ACSM5: variants seen among roughly 807,000 people sequenced by gnomAD.
ACSM5 encodes the protein acyl-coenzyme A synthetase ACSM5, mitochondrial.
A neutral mutation model predicts 71.6 loss-of-function variants in ACSM5; 56 were observed. That is an observed-to-expected ratio of 0.78 (90% CI 0.63 to 0.98). The LOEUF (loss-of-function observed/expected upper bound fraction) is 0.98, where lower values mean the gene tolerates loss of function less well. Ranked by LOEUF, ACSM5 falls within the 50% of genes least tolerant of loss-of-function variation. The pLI, the probability that ACSM5 is intolerant of heterozygous loss-of-function variation, is 0.00. For missense variants in ACSM5, 723 were observed against 726.0 expected, an observed-to-expected ratio of 1.00 and a Z score of 0.05; for synonymous variants, 285 against 281.5, an observed-to-expected ratio of 1.01 and a Z score of -0.12.
intron 6 of ACSM5, among the ~76,000 whole-genome samples, chr16:20,426,472 G>A (rs371285848): frequency 2.2e-4 from 34 of 152,274 alleles, no homozygotes; most frequent in Middle Eastern, 6.8e-3. Context: ...GTTCATAGCA[G>A]CATTAACAAT....
intron 10 of ACSM5, among the ~76,000 whole-genome samples, chr16:20,434,540 A>T (rs1380468660): frequency 6.6e-6 from 1 of 152,140 alleles, no homozygotes. Context: ...CTAAAAATAC[A>T]AAAATTAGCT....
intron 6 of ACSM5, among the ~76,000 whole-genome samples, chr16:20,424,950 G>T (rs1198131844): frequency 6.6e-6 from 1 of 152,240 alleles, no homozygotes; most frequent in Admixed American, 6.5e-5. Context: ...ACATCATAGA[G>T]AATGGGGTAT....
At chr16:20,427,761 C>A (rs745860630) in intron 6 of ACSM5, 27 bp from the exon 7 acceptor site, 147 of 1,506,948 alleles carry the variant, frequency 9.8e-5, no homozygotes, top group Middle Eastern at 8.5e-4. Context: ...ATTCTAAGGA[C>A]ATCTTTCACC....
chr16:20,413,618 G>A (rs938835634), intron 2 of ACSM5, among the ~76,000 whole-genome samples: 5 of 152,222 alleles, frequency 3.3e-5, no homozygotes, highest in Non-Finnish European at 7.3e-5. Context: ...AGAATCCAAT[G>A]TCTATGGGAG....
At position 20,431,113 on chromosome 16, in the gene ACSM5, A is replaced by G. The variant is rs1967088626; in HGVS notation, c.1206+40A>G. ...CAACTTCTGGCAAGGCCTGGCATGG[A>G]GAGGAGAAAGACACACAGGCCTGGT... On this transcript the variant is annotated intron_variant, in intron 9 of 13. Coordinates refer to ENST00000331849, the MANE Select transcript of ACSM5 (RefSeq NM_017888.3). 3 of 1,605,142 alleles carry G rather than the reference A, an allele frequency of 1.9e-6. No homozygotes were observed. In the African/African-American group the frequency reaches 4.0e-5, roughly 21 times the overall value.
At chr16:20,423,321 G>C (rs1172237257) in intron 5 of ACSM5, among the ~76,000 whole-genome samples, 1 of 152,186 alleles carries the variant, frequency 6.6e-6, no homozygotes, top group Non-Finnish European at 1.5e-5. Flanking sequence ...TTCCATGTTT[G>C]CAGACACTGT....
intron 8 of ACSM5, among the ~76,000 whole-genome samples, chr16:20,430,342 T>C (rs989322469): frequency 6.6e-6 from 1 of 151,470 alleles, no homozygotes; most frequent in African/African-American, 2.4e-5. Context: ...ACCAAGACAG[T>C]CTACATCTGC....
In ACSM5 at chr16:20,439,821, C is replaced by G. The variant is rs778890369; in HGVS notation, c.1558C>G (p.Leu520Val). 2.5e-6 allele frequency: 4 copies of G among 1,603,650 alleles called. No homozygotes were observed. The African/African-American group carries it at 4.0e-5, about 16-fold the overall frequency. ...GCAGGTGGTAAAGGCATTTATAGTC[C>G]TTACTCCAGCCTACTCCTCTCATGA... Reference protein sequence around the residue: ...RGEVVKAFIVLTPAYSSHDPE... With the variant: ...RGEVVKAFIVVTPAYSSHDPE... The change falls in exon 13 of 14, where the codon CTT becomes GTT. Residue 520 changes from leucine to valine, a missense_variant. Transcript: ENST00000331849.
rs1490963166 is a variant in ACSM5, at chr16:20,417,950, T to G, written c.205-109T>G. 3.6e-6 allele frequency: 4 copies of G among 1,117,560 alleles called. No homozygotes were observed. The Admixed American group carries it at 1.1e-4, about 30-fold the overall frequency. 69.2% of individuals were successfully genotyped at this position (1,117,560 alleles called of 1,614,324 possible). ...TGTCTTTCCATATTGCTTTGCTTTT[T>G]GAACCCTGTGAATTTTATATTAACT... On this transcript the variant is annotated intron_variant, in intron 2 of 13. Transcript: ENST00000331849.
intron 7 of ACSM5, among the ~76,000 whole-genome samples, 159 bp downstream of exon 7, chr16:20,428,026 A>G (rs555721530): frequency 7.2e-5 from 11 of 152,244 alleles, no homozygotes; most frequent in African/African-American, 2.6e-4. Context: ...TCTCACACAC[A>G]CATTTATACA....
At position 20,421,268 on chromosome 16, in the gene ACSM5, A is replaced by G. The variant is rs1966877748; in HGVS notation, c.634A>G (p.Thr212Ala). The change falls in exon 5 of 14, where the codon ACA becomes GCA. Residue 212 changes from threonine to alanine, a missense_variant. Physicochemically the swap from Thr to Ala is moderately conservative, Grantham distance 58. Transcript: ENST00000331849. ...ATTTACGTTTTACAGGGAGGCTTCT[A>G]CAGAGCACAACTGCATGAGGACAAA... ...NFRELLREAS[T>A]EHNCMRTKSR... 1 of 1,591,032 alleles carries G rather than the reference A, an allele frequency of 6.3e-7. No individual in the cohort carries two copies. The highest frequency in any genetic ancestry group is 1.3e-5 in the African/African-American group (1 of 74,348).
rs115929193 is a variant in ACSM5, at chr16:20,439,667, G to A, written c.1537-133G>A. The A allele has an allele frequency of 3.7e-3, 4,087 of 1,104,400 alleles. 108 individuals are homozygous for A. In the African/African-American group the frequency reaches 0.056, roughly 15 times the overall value. The allele number at this position is 1,104,400 out of a possible 1,614,324, so 68.4% of individuals were successfully genotyped here. ...AAAATTGATGTTGTTTGTGTCATTG[G>A]CTGTGCCCAAAAAAAACTAGTAGAA... is the stretch of plus-strand genomic sequence containing the variant. On this transcript the variant is annotated intron_variant, in intron 12 of 13. Transcript: ENST00000331849.
chr16:20,411,549 C>A lies in ACSM5; in HGVS notation c.65C>A (p.Ser22Tyr). Residue 22 changes from serine to tyrosine, a missense_variant, in exon 2 of 14, where the codon TCT (serine) becomes TAT (tyrosine). Coordinates refer to ENST00000331849, the MANE Select transcript of ACSM5 (RefSeq NM_017888.3). ...AGGAACTCCAGGGCATTCTGTGGGT[C>A]TCATGGGAAGCCAGCACCTCTACCT... ...ALRNSRAFCG[S>Y]HGKPAPLPVP... is the part of the protein sequence containing the mutation. 6.2e-7 allele frequency: 1 copy of A among 1,614,180 alleles called. No individual in the cohort carries two copies. The highest frequency in any genetic ancestry group is 2.2e-5 in the East Asian group (1 of 44,880).
At chr16:20,439,307 A>G (rs948193434) in intron 12 of ACSM5, among the ~76,000 whole-genome samples, 2 of 125,340 alleles carry the variant, frequency 1.6e-5, no homozygotes, top group Non-Finnish European at 1.6e-5. Flanking sequence ...TCTGGAACAG[A>G]AGTGGTGCAG....
intron 2 of ACSM5, among the ~76,000 whole-genome samples, chr16:20,414,177 C>T (rs1186987782): frequency 6.6e-6 from 1 of 152,172 alleles, no homozygotes; most frequent in East Asian, 1.9e-4. Flanking sequence ...CAAAATAATG[C>T]ACCCCTTCCC....
In ACSM5 at chr16:20,424,108, T is replaced by C. The variant is rs1262488930; in HGVS notation, c.921+39T>C. On this transcript the variant is annotated intron_variant, in intron 6 of 13. Transcript: ENST00000331849. Reference sequence around the variant, plus strand: ...CCAACAATACCCCATATGTGTTGGGTACAAATGAGATGAGTGGGATATAGA... The same window carrying C: ...CCAACAATACCCCATATGTGTTGGGCACAAATGAGATGAGTGGGATATAGA... The C allele has an allele frequency of 2.5e-6, 4 of 1,608,408 alleles. No homozygotes were observed. In the Admixed American group the frequency reaches 5.0e-5, roughly 20 times the overall value.
In ACSM5 at chr16:20,431,838, C is replaced by A. The variant is rs1967105337; in HGVS notation, c.1308+517C>A. On this transcript the variant is annotated intron_variant, in intron 10 of 13. Transcript: ENST00000331849. The stretch of plus-strand genomic sequence containing the variant: ...TGGTGGCGCACGCCTCTATTCCCAG[C>A]TACTTGGGAGGCTGAGACAGGAGAA... Among the ~76,000 whole-genome samples the A allele has an allele frequency of 3.9e-5, 6 of 152,130 alleles. No individual in the cohort carries two copies. The East Asian group carries it at 9.7e-4, about 25-fold the overall frequency.
chr16:20,418,996 G>A (rs200280190), intron 3 of ACSM5, among the ~76,000 whole-genome samples: 1 of 152,148 alleles, frequency 6.6e-6, no homozygotes, highest in East Asian at 1.9e-4. Flanking sequence ...CAGAGAAACA[G>A]AGGAGGAAAG....
chr16:20,428,509 A>G (rs1967032739), intron 7 of ACSM5, among the ~76,000 whole-genome samples: 1 of 152,190 alleles, frequency 6.6e-6, no homozygotes, highest in South Asian at 2.1e-4. Flanking sequence ...AGAGAGGCCC[A>G]CTGTCCTTCA....
Sources: allele counts gnomAD v4.1 joint callset (sites outside exome capture counted in the v4.1 genomes callset), GRCh38; gene constraint gnomAD v4.1.1; transcripts MANE v1.5; gene names NCBI Gene and HGNC (gene_info 2026-07-23, HGNC 2026-07-21).